The following PRKCA variants were observed in gnomAD, a reference collection of about 807,000 sequenced individuals.
PRKCA encodes protein kinase C alpha, also known as protein kinase C alpha type.
Under a neutral mutation model 87.0 loss-of-function variants are expected in PRKCA, and 27 were observed. The ratio of observed to expected loss-of-function variants is 0.31; its 90% CI spans 0.23 to 0.43. PRKCA has a LOEUF of 0.43. Ranked by LOEUF, PRKCA falls within the 20% of genes least tolerant of loss-of-function variation. The pLI is 1.00. For missense variants in PRKCA, 518 were observed against 852.3 expected (o/e 0.61, Z 4.88); for synonymous variants, 329 against 311.1 (o/e 1.06, Z -0.61).
chr17:66,404,731 G>A (rs1424226630), intron 2 of PRKCA, among the ~76,000 whole-genome samples: 1 of 138,354 alleles, frequency 7.2e-6, no homozygotes. Flanking sequence ...CTGCTGGAAA[G>A]GATGGTAGGC....
At chr17:66,728,428 G>A (rs576598782) in intron 8 of PRKCA, among the ~76,000 whole-genome samples, 1 of 152,370 alleles carries the variant, frequency 6.6e-6, no homozygotes, top group South Asian at 2.1e-4. Flanking sequence ...CCCAGGCAGA[G>A]CAGGAAGCGT....
intron 5 of PRKCA, among the ~76,000 whole-genome samples, chr17:66,654,482 C>T (rs578045066): frequency 1.3e-5 from 2 of 152,312 alleles, no homozygotes; most frequent in South Asian, 2.1e-4. Context: ...TTGTAGAGCT[C>T]CCGCAGCCTG....
At chr17:66,441,362 G>A (rs779912999) in intron 2 of PRKCA, among the ~76,000 whole-genome samples, 1 of 151,146 alleles carries the variant, frequency 6.6e-6, no homozygotes, top group Non-Finnish European at 1.5e-5. Flanking sequence ...AAAAAAGATT[G>A]GGGTGCTCTT....
intron 3 of PRKCA, among the ~76,000 whole-genome samples, chr17:66,613,906 C>T (rs12450583): frequency 0.053 from 7,983 of 150,540 alleles, 305 homozygotes; most frequent in Admixed American, 0.13. Context: ...CCTCAGCCTC[C>T]CTAGTAGCTA....
chr17:66,371,069 A>G (rs1909079797), intron 2 of PRKCA, among the ~76,000 whole-genome samples: 1 of 152,352 alleles, frequency 6.6e-6, no homozygotes. Context: ...ATATCTGATT[A>G]TAGCATGCGA....
Position 66,376,061 on chromosome 17 carries a change from A to G in PRKCA, c.205+69934A>G, listed in dbSNP as rs139815903. The stretch of plus-strand genomic sequence containing the variant: ...CCTTCTGTGTGCTGGGTACAGAGCC[A>G]CATACCAGCTCTCCTTGGAGTGTAG... On this transcript the variant is annotated intron_variant, in intron 2 of 16. Transcript: ENST00000413366. 1.3e-4 allele frequency among the ~76,000 whole-genome samples: 20 copies of G among 152,342 alleles called. No individual in the cohort carries two copies. In the East Asian group the frequency reaches 3.9e-3, roughly 29 times the overall value.
intron 13 of PRKCA, among the ~76,000 whole-genome samples, chr17:66,752,258 T>A (rs2144266670): frequency 6.6e-6 from 1 of 152,232 alleles, no homozygotes; most frequent in East Asian, 1.9e-4. Context: ...GTTTCAATTA[T>A]CTATTGATGT....
intron 2 of PRKCA, among the ~76,000 whole-genome samples, chr17:66,426,893 C>T (rs1263507666): frequency 2.6e-5 from 4 of 152,142 alleles, no homozygotes; most frequent in Non-Finnish European, 4.4e-5. Context: ...GAAACAGGAA[C>T]TTCGTAGGTG....
At chr17:66,513,698 G>A (rs1966878212) in intron 3 of PRKCA, among the ~76,000 whole-genome samples, 1 of 152,064 alleles carries the variant, frequency 6.6e-6, no homozygotes, top group African/African-American at 2.4e-5. Context: ...GTAAATTGAT[G>A]CATCAGTGTG....
intron 14 of PRKCA, among the ~76,000 whole-genome samples, chr17:66,781,198 C>T (rs1004742574): frequency 3.3e-5 from 5 of 152,230 alleles, no homozygotes; most frequent in Non-Finnish European, 7.3e-5. Context: ...AGTCTTCCTC[C>T]CTCCTGGCTC....
At chr17:66,427,061 G>A (rs1279421048) in intron 2 of PRKCA, among the ~76,000 whole-genome samples, 1 of 152,092 alleles carries the variant, frequency 6.6e-6, no homozygotes, top group African/African-American at 2.4e-5. Flanking sequence ...TAAGAGACGA[G>A]GTCTTGCTCT....
chr17:66,431,931 G>C (rs149797399), intron 2 of PRKCA, among the ~76,000 whole-genome samples: 4 of 152,102 alleles, frequency 2.6e-5, no homozygotes, highest in Admixed American at 6.5e-5. Context: ...ATTTCCCCCC[G>C]CATCCTAATT....
chr17:66,614,467 T>A (rs1970462969), intron 3 of PRKCA, among the ~76,000 whole-genome samples: 1 of 152,190 alleles, frequency 6.6e-6, no homozygotes, highest in Admixed American at 6.5e-5. Context: ...ATAATTGCAA[T>A]TTGCTGAATT....
At chr17:66,462,003 C>G (rs1914876640) in intron 2 of PRKCA, among the ~76,000 whole-genome samples, 1 of 152,048 alleles carries the variant, frequency 6.6e-6, no homozygotes, top group Non-Finnish European at 1.5e-5. Context: ...TTTCCGTGAA[C>G]AGTGTCTAGT....
intron 2 of PRKCA, among the ~76,000 whole-genome samples, chr17:66,358,981 G>A (rs1908229145): frequency 6.6e-6 from 1 of 151,892 alleles, no homozygotes; most frequent in African/African-American, 2.4e-5. Context: ...ATGAAATCAG[G>A]TTAAAATTTG....
chr17:66,652,395 T>C (rs1178062615), intron 5 of PRKCA, among the ~76,000 whole-genome samples: 1 of 152,212 alleles, frequency 6.6e-6, no homozygotes, highest in East Asian at 1.9e-4. Context: ...GAATCTGGAC[T>C]GTATTTTAGA....
At chr17:66,568,212 G>A (rs1968957543) in intron 3 of PRKCA, among the ~76,000 whole-genome samples, 1 of 152,150 alleles carries the variant, frequency 6.6e-6, no homozygotes, top group African/African-American at 2.4e-5. Context: ...TGCTAGGGAG[G>A]CTGAAGCATG....
intron 2 of PRKCA, among the ~76,000 whole-genome samples, chr17:66,490,768 A>C (rs113237372): frequency 0.023 from 3,516 of 152,166 alleles, 132 homozygotes; most frequent in African/African-American, 0.08. Context: ...TTTAGTAGAG[A>C]CGTGGTTTTG....
intron 5 of PRKCA, among the ~76,000 whole-genome samples, chr17:66,662,589 G>A (rs907100970): frequency 6.6e-6 from 1 of 152,260 alleles, no homozygotes; most frequent in East Asian, 1.9e-4. Context: ...AGTCTAAGGT[G>A]TTGACGGACT....
Sources: gnomAD v4.1 joint callset for allele counts (sites outside exome capture counted in the v4.1 genomes callset) on GRCh38, gnomAD v4.1.1 for gene constraint, MANE v1.5 for transcripts, NCBI Gene and HGNC (gene_info 2026-07-23, HGNC 2026-07-21) for gene names.